SUPT3H: variants seen among roughly 807,000 people sequenced by gnomAD.
SUPT3H encodes the protein SPT3 homolog, SAGA and STAGA complex component, also known as transcription initiation protein SPT3 homolog.
A neutral mutation model predicts 44.3 loss-of-function variants in SUPT3H; 44 were observed. The ratio of observed to expected loss-of-function variants is 0.99; its 90% CI spans 0.78 to 1.28. The LOEUF (loss-of-function observed/expected upper bound fraction) is 1.28. Ranked by LOEUF, SUPT3H falls within the 50% of genes most tolerant of loss-of-function variation. The pLI is 0.00. For synonymous variants in SUPT3H, 124 were observed against 125.6 expected, an observed-to-expected ratio of 0.99 and a Z score of 0.09; for missense variants, 380 against 387.1, an observed-to-expected ratio of 0.98 and a Z score of 0.15.
At chr6:45,138,875 GA>G in intron 2 of SUPT3H, among the ~76,000 whole-genome samples, 1 of 152,190 alleles carries the variant, frequency 6.6e-6, no homozygotes, top group South Asian at 2.1e-4. Context: ...CAATAAATCT[GA>G]AAAAAGCTAA....
rs773649241 is a variant in SUPT3H at position 45,003,770 on chromosome 6, A to G, written c.387T>C (p.Asn129=). The change falls in exon 6 of 11, where the codon AAT becomes AAC. Residue 129 remains asparagine (N), a synonymous_variant. Transcript: ENST00000371459. ...GAGCAATCTTTTGTCTTTTGTTCGC[A>G]TTATTGCTGCCACTCAATTTGTCTT... is the stretch of plus-strand genomic sequence containing the variant. ...LLEDKLSGSN[N]ANKRQKIAQD... 10 of 1,613,664 alleles carry G rather than the reference A, an allele frequency of 6.2e-6. No individual in the cohort carries two copies. The highest frequency in any genetic ancestry group is 1.6e-4 in the Middle Eastern group (1 of 6,082).
rs529233692 is a variant in SUPT3H, at chr6:45,071,819, T to C, written c.186+34103A>G. ...GCTCATTCAGACATACATCCTTCAA[T>C]GTGATACAGATCTCTGATGCCCAGA... On this transcript the variant is annotated intron_variant, in intron 3 of 10. Coordinates refer to ENST00000371459, the MANE Select transcript of SUPT3H (RefSeq NM_003599.4). Among the ~76,000 whole-genome samples the C allele has an allele frequency of 2.8e-4, 43 of 152,314 alleles. No individual in the cohort carries two copies. The South Asian group carries it at 3.5e-3, about 12-fold the overall frequency.
intron 10 of SUPT3H, among the ~76,000 whole-genome samples, chr6:44,852,183 G>C (rs369849016): frequency 6.6e-6 from 1 of 152,142 alleles, no homozygotes. Context: ...AAGTATTTAA[G>C]CCAGAATTAG....
intron 2 of SUPT3H, among the ~76,000 whole-genome samples, chr6:45,330,448 C>T (rs1787241596): frequency 6.6e-6 from 1 of 151,858 alleles, no homozygotes; most frequent in Non-Finnish European, 1.5e-5. Flanking sequence ...ATAACAGAGG[C>T]AGTTAAGTTA....
chr6:44,851,023 T>G (rs1475982764), intron 10 of SUPT3H, among the ~76,000 whole-genome samples: 1 of 152,202 alleles, frequency 6.6e-6, no homozygotes, highest in Non-Finnish European at 1.5e-5. Flanking sequence ...CTGTGACCTC[T>G]GACAGATGGT....
At chr6:44,868,413 C>A (rs1196924038) in intron 10 of SUPT3H, among the ~76,000 whole-genome samples, 37 of 152,206 alleles carry the variant, frequency 2.4e-4, no homozygotes, top group Non-Finnish European at 1.5e-5. Context: ...ATGGAACCAT[C>A]CATTTCAGCC....
chr6:44,835,410 C>G (rs1183867308), intron 10 of SUPT3H, among the ~76,000 whole-genome samples: 1 of 152,052 alleles, frequency 6.6e-6, no homozygotes, highest in East Asian at 1.9e-4. Flanking sequence ...CACCAAGAGC[C>G]TGGGGTTTTC....
At chr6:45,132,295 C>G (rs1271275947) in intron 2 of SUPT3H, among the ~76,000 whole-genome samples, 1 of 152,170 alleles carries the variant, frequency 6.6e-6, no homozygotes, top group Non-Finnish European at 1.5e-5. Flanking sequence ...TGTTTGTAAA[C>G]TTCCCATCAA....
At chr6:45,282,877 G>A (rs551143558) in intron 2 of SUPT3H, among the ~76,000 whole-genome samples, 17 of 152,278 alleles carry the variant, frequency 1.1e-4, no homozygotes, top group East Asian at 1.9e-4. Context: ...TCAGACTAAC[G>A]GCTGATCTCT....
chr6:44,842,916 C>A (rs894392195), intron 10 of SUPT3H, among the ~76,000 whole-genome samples: 1 of 151,790 alleles, frequency 6.6e-6, no homozygotes, highest in Non-Finnish European at 1.5e-5. Flanking sequence ...TGAAAAAGAC[C>A]CACGTCTACT....
At chr6:45,207,324 G>A (rs1294288504) in intron 2 of SUPT3H, among the ~76,000 whole-genome samples, 1 of 152,188 alleles carries the variant, frequency 6.6e-6, no homozygotes, top group South Asian at 2.1e-4. Flanking sequence ...CAATATAAAG[G>A]TCAGTGGTGA....
At chr6:45,192,971 C>A (rs1405734911) in intron 2 of SUPT3H, among the ~76,000 whole-genome samples, 1 of 152,066 alleles carries the variant, frequency 6.6e-6, no homozygotes, top group Non-Finnish European at 1.5e-5. Flanking sequence ...TTTGTTATGA[C>A]CAGCCCGCCC....
chr6:45,048,322 C>T (rs1789751991), intron 3 of SUPT3H, among the ~76,000 whole-genome samples: 2 of 145,280 alleles, frequency 1.4e-5, no homozygotes, highest in Non-Finnish European at 3.0e-5. Context: ...GGGTTCATAT[C>T]CAAAAAATCA....
At chr6:45,284,472 G>A (rs922352584) in intron 2 of SUPT3H, among the ~76,000 whole-genome samples, 4 of 152,074 alleles carry the variant, frequency 2.6e-5, no homozygotes, top group Non-Finnish European at 4.4e-5. Flanking sequence ...ACACCTCTAC[G>A]CAAATAAACT....
chr6:44,902,321 GGAA>G (rs1765209927), intron 10 of SUPT3H, among the ~76,000 whole-genome samples: 1 of 152,130 alleles, frequency 6.6e-6, no homozygotes, highest in African/African-American at 2.4e-5. Flanking sequence ...ATAAAGGGAT[GGAA>G]GAAGATCTAC....
chr6:45,265,380 A>G (rs1245085416), intron 2 of SUPT3H, among the ~76,000 whole-genome samples: 1 of 152,090 alleles, frequency 6.6e-6, no homozygotes, highest in African/African-American at 2.4e-5. Context: ...TGTTTAACTG[A>G]ACTTTGTCCT....
At chr6:45,168,476 T>C (rs758125924) in intron 2 of SUPT3H, among the ~76,000 whole-genome samples, 1 of 152,104 alleles carries the variant, frequency 6.6e-6, no homozygotes, top group Non-Finnish European at 1.5e-5. Flanking sequence ...CCCGACCACC[T>C]TGGGCACATG....
In SUPT3H at chr6:45,153,477, C is replaced by T. The variant is rs73738617; in HGVS notation, c.102-47471G>A. Among the ~76,000 whole-genome samples, 919 of 152,184 alleles carry T rather than the reference C, an allele frequency of 6.0e-3. 14 individuals carry two copies. The highest frequency in any genetic ancestry group is 0.021 in the African/African-American group (877 of 41,530). The stretch of plus-strand genomic sequence containing the variant: ...TAATAAAGTAAAATTAATAAGGCAA[C>T]AAGGAAAAGAAACTGATGACTCAAC... On this transcript the variant is annotated intron_variant, in intron 2 of 10. Coordinates refer to ENST00000371459, the MANE Select transcript of SUPT3H (RefSeq NM_003599.4).
At chr6:45,322,300 T>A (rs1010600565) in intron 2 of SUPT3H, among the ~76,000 whole-genome samples, 1 of 151,780 alleles carries the variant, frequency 6.6e-6, no homozygotes, top group Non-Finnish European at 1.5e-5. Context: ...TTTCAATGCT[T>A]TCAAGCTTCT....
Sources: gnomAD v4.1 joint callset for allele counts (sites outside exome capture counted in the v4.1 genomes callset) on GRCh38, gnomAD v4.1.1 for gene constraint, MANE v1.5 for transcripts, NCBI Gene and HGNC (gene_info 2026-07-23, HGNC 2026-07-21) for gene names.